The following MAP3K5 variants were observed in gnomAD, a reference collection of about 807,000 sequenced individuals.
MAP3K5 encodes the protein ASK-1.
In MAP3K5, 56 loss-of-function variants were observed where a neutral mutation model predicts 158.7. That is an observed-to-expected ratio of 0.35 (90% CI 0.28 to 0.44). The LOEUF is 0.44. Ranked by LOEUF, MAP3K5 falls within the 20% of genes least tolerant of loss-of-function variation. The pLI, the probability that MAP3K5 is intolerant of heterozygous loss-of-function variation, is 1.00. For synonymous variants in MAP3K5, 579 were observed against 601.7 expected (o/e 0.96, Z 0.55); for missense variants, 1,294 against 1,674.8 (o/e 0.77, Z 3.97).
At chr6:136,667,615 GT>G (rs1369604087) in intron 8 of MAP3K5, among the ~76,000 whole-genome samples, 2 of 151,888 alleles carry the variant, frequency 1.3e-5, no homozygotes, top group Non-Finnish European at 2.9e-5. Flanking sequence ...AATAGCAGAG[GT>G]TTTTGAAAAA....
chr6:136,598,642 T>C (rs990862871), intron 21 of MAP3K5, among the ~76,000 whole-genome samples: 8 of 152,172 alleles, frequency 5.3e-5, no homozygotes, highest in African/African-American at 9.7e-5. Context: ...GGGGGTCTCA[T>C]TGTCACCACC....
At chr6:136,563,835 C>T (rs1486147632) in intron 26 of MAP3K5, among the ~76,000 whole-genome samples, 4 of 152,142 alleles carry the variant, frequency 2.6e-5, no homozygotes, top group East Asian at 1.9e-4. Context: ...CAGGATAAAT[C>T]GTTGCATAAA....
chr6:136,775,658 A>G lies in MAP3K5; in HGVS notation c.448+16052T>C, dbSNP rs866544615. On this transcript the variant is annotated intron_variant, in intron 1 of 29. Transcript: ENST00000359015. ...AAAATCATGATTGCTTCATACATCC[A>G]CTCCTGCAAACTTAGTCCAATGTGT... 4.6e-5 allele frequency among the ~76,000 whole-genome samples: 7 copies of G among 152,208 alleles called. 1 individual carries two copies. The Middle Eastern group carries it at 0.01, about 222-fold the overall frequency.
chr6:136,665,370 G>C lies in MAP3K5; in HGVS notation c.1366+3913C>G, dbSNP rs188517456. 2.7e-5 allele frequency among the ~76,000 whole-genome samples: 4 copies of C among 149,136 alleles called. No individual in the cohort carries two copies. In the East Asian group the frequency reaches 7.9e-4, roughly 30 times the overall value. ...TGTATTTTTTTTTTTTTTTGAGATGGAGTTTCGCTCTTGTCGCCCAGGCTG... is the reference window on the plus strand; with the variant it reads ...TGTATTTTTTTTTTTTTTTGAGATGCAGTTTCGCTCTTGTCGCCCAGGCTG... On this transcript the variant is annotated intron_variant, in intron 8 of 29. Transcript: ENST00000359015.
chr6:136,683,913 G>A (rs1057014292), intron 7 of MAP3K5, among the ~76,000 whole-genome samples: 7 of 152,146 alleles, frequency 4.6e-5, no homozygotes, highest in Admixed American at 1.3e-4. Context: ...GGAGTTCTTT[G>A]ATTTTTAATT....
At chr6:136,741,266 G>A (rs569927421) in intron 1 of MAP3K5, among the ~76,000 whole-genome samples, 1 of 151,962 alleles carries the variant, frequency 6.6e-6, no homozygotes, top group Non-Finnish European at 1.5e-5. Context: ...AACCATTTTG[G>A]TATTTCACTC....
chr6:136,572,412 C>T (rs1384923216), intron 25 of MAP3K5, among the ~76,000 whole-genome samples: 1 of 152,164 alleles, frequency 6.6e-6, no homozygotes, highest in East Asian at 1.9e-4. Flanking sequence ...GCATGTGCCA[C>T]CATGCCTGGC....
intron 7 of MAP3K5, among the ~76,000 whole-genome samples, chr6:136,683,980 C>A (rs1444996219): frequency 6.6e-6 from 1 of 152,046 alleles, no homozygotes; most frequent in Non-Finnish European, 1.5e-5. Context: ...ATCTGTAATC[C>A]CAGCACTTTG....
At chr6:136,589,073 T>C (rs1775269874) in intron 23 of MAP3K5, among the ~76,000 whole-genome samples, 1 of 152,200 alleles carries the variant, frequency 6.6e-6, no homozygotes, top group South Asian at 2.1e-4. Flanking sequence ...ATAAAATGTT[T>C]AGCAAAGAAG....
chr6:136,740,579 C>T (rs975905746), intron 1 of MAP3K5, among the ~76,000 whole-genome samples: 4 of 151,952 alleles, frequency 2.6e-5, no homozygotes, highest in African/African-American at 9.7e-5. Context: ...CTCTTTCTAC[C>T]TCCGTGTGAT....
At chr6:136,694,032 T>C (rs1407408004) in intron 7 of MAP3K5, 108 bp downstream of exon 7, 6 of 810,878 alleles carry the variant, frequency 7.4e-6, no homozygotes, top group Non-Finnish European at 1.1e-5. Flanking sequence ...TAGTTCATAA[T>C]ACACAATCTT....
chr6:136,646,977 T>C (rs1267170151), intron 11 of MAP3K5, among the ~76,000 whole-genome samples: 1 of 152,234 alleles, frequency 6.6e-6, no homozygotes. Context: ...CTACCACCTT[T>C]ATCAATGCAA....
At chr6:136,731,581 A>G (rs1048545723) in intron 1 of MAP3K5, among the ~76,000 whole-genome samples, 1 of 152,218 alleles carries the variant, frequency 6.6e-6, no homozygotes, top group Non-Finnish European at 1.5e-5. Context: ...TCACTTCATC[A>G]TATCTGCAAA....
At chr6:136,677,199 G>A (rs138804962) in intron 7 of MAP3K5, among the ~76,000 whole-genome samples, 4,490 of 139,830 alleles carry the variant, frequency 0.032, 60 homozygotes, top group Middle Eastern at 0.077. Flanking sequence ...GTGTAGTGGC[G>A]CAATCTCGGC....
chr6:136,635,130 A>T (rs933534914), intron 14 of MAP3K5, among the ~76,000 whole-genome samples: 27 of 130,628 alleles, frequency 2.1e-4, no homozygotes, highest in African/African-American at 9.3e-4. Flanking sequence ...CTCTGGTTTA[A>T]AAAAAAAAAA....
rs144086397 is a variant in MAP3K5 at position 136,592,663 on chromosome 6, T to A, written c.2879-49A>T. 1.4e-4 allele frequency: 203 copies of A among 1,481,480 alleles called. No homozygotes were observed. In the African/African-American group the frequency reaches 2.3e-3, roughly 17 times the overall value. The allele number at this position is 1,481,480 out of a possible 1,614,324, so 91.8% of individuals were successfully genotyped here. ...AAGATAATTGACACTTTAAAAAATGTACACATACTGAAACACCCATTGAAA... is the reference window on the plus strand; with the variant it reads ...AAGATAATTGACACTTTAAAAAATGAACACATACTGAAACACCCATTGAAA... On this transcript the variant is annotated intron_variant, in intron 21 of 29. Coordinates refer to ENST00000359015, the MANE Select transcript of MAP3K5 (RefSeq NM_005923.4).
chr6:136,564,202 A>G (rs1235889858), intron 26 of MAP3K5, among the ~76,000 whole-genome samples: 4 of 152,162 alleles, frequency 2.6e-5, no homozygotes, highest in African/African-American at 9.7e-5. Flanking sequence ...CCTTTCCAGG[A>G]CTCAGTGGGA....
chr6:136,623,319 T>A (rs1165700864), intron 14 of MAP3K5, among the ~76,000 whole-genome samples: 1 of 152,190 alleles, frequency 6.6e-6, no homozygotes, highest in East Asian at 1.9e-4. Flanking sequence ...AGCATCAACA[T>A]CTATCAATGT....
At chr6:136,749,736 C>T (rs1217872948) in intron 1 of MAP3K5, among the ~76,000 whole-genome samples, 1 of 152,088 alleles carries the variant, frequency 6.6e-6, no homozygotes, top group Admixed American at 6.6e-5. Context: ...AAGTCTAATT[C>T]ATCTGATGTC....
Sources: allele counts gnomAD v4.1 joint callset (sites outside exome capture counted in the v4.1 genomes callset), GRCh38; gene constraint gnomAD v4.1.1; transcripts MANE v1.5; gene names NCBI Gene and HGNC (gene_info 2026-07-23, HGNC 2026-07-21).